The following PIK3C3 variants were observed in gnomAD, a reference collection of about 807,000 sequenced individuals.
PIK3C3 encodes the protein PI3-kinase type 3.
Under a neutral mutation model 126.1 loss-of-function variants are expected in PIK3C3, and 95 were observed. The observed-to-expected ratio is 0.75, with a 90% CI of 0.64 to 0.89. The LOEUF is 0.89. Ranked by LOEUF, PIK3C3 falls within the 40% of genes least tolerant of loss-of-function variation. The probability of loss-of-function intolerance (pLI) is 0.00; values close to 1 mark genes in which losing one functional copy is unlikely to be tolerated. For missense variants in PIK3C3, 829 were observed against 1,063.2 expected (o/e 0.78, Z 3.06); for synonymous variants, 374 against 360.0 (o/e 1.04, Z -0.44).
At chr18:41,972,736 G>A (rs1980730725) in intron 4 of PIK3C3, among the ~76,000 whole-genome samples, 1 of 152,064 alleles carries the variant, frequency 6.6e-6, no homozygotes, top group Non-Finnish European at 1.5e-5. Flanking sequence ...TTGTAGCTTT[G>A]TTAAGGAATT....
intron 21 of PIK3C3, chr18:42,050,265 A>G (rs926194075): frequency 6.6e-6 from 1 of 152,178 alleles, no homozygotes; most frequent in African/African-American, 2.4e-5. Context: ...ATTCACTTTA[A>G]TATCTACCTT....
At position 42,058,019 on chromosome 18, in the gene PIK3C3, A is replaced by G. The variant is rs1349318453; in HGVS notation, c.2400A>G (p.Lys800=). The part of the protein sequence containing the change: ...TQSEQYQEFR[K]QCYTAFLHLR... ...GTGAGCAGTACCAAGAGTTCCGTAA[A>G]CAGTGTTACACGGCTTTCCTCCACC... The change falls in exon 22 of 25, where the codon AAA becomes AAG. Residue 800 remains lysine, a synonymous_variant. Transcript: ENST00000262039. The G allele has an allele frequency of 6.2e-7, 1 of 1,603,642 alleles. No homozygotes were observed.
chr18:42,002,068 A>G (rs1982316743), intron 9 of PIK3C3, among the ~76,000 whole-genome samples: 1 of 152,236 alleles, frequency 6.6e-6, no homozygotes, highest in Admixed American at 6.5e-5. Flanking sequence ...AATGCCCACA[A>G]AAACATTTGG....
chr18:41,989,755 A>C (rs1366845527), intron 5 of PIK3C3, among the ~76,000 whole-genome samples: 1 of 152,156 alleles, frequency 6.6e-6, no homozygotes, highest in Admixed American at 6.6e-5. Flanking sequence ...TACACGACTA[A>C]ATTGCTTAAT....
chr18:41,989,683 T>C (rs1168497071), intron 5 of PIK3C3, among the ~76,000 whole-genome samples: 1 of 152,190 alleles, frequency 6.6e-6, no homozygotes, highest in African/African-American at 2.4e-5. Flanking sequence ...TGCTACACCA[T>C]ATAACCTCGG....
rs1357844936 is a variant in PIK3C3, at chr18:42,083,203, C to T, written c.*2066C>T. 6.6e-6 allele frequency: 1 copy of T among 152,022 alleles called. No individual in the cohort carries two copies. The highest frequency in any genetic ancestry group is 1.5e-5 in the Non-Finnish European group (1 of 67,974). The allele number at this position is 152,022 out of a possible 1,614,324, so 9.4% of individuals were successfully genotyped here. ...AAGCAATTCTTTACTCCTATTTTTT[C>T]CAAATTCCATTGTTTTTACTCTTTA... is the stretch of plus-strand genomic sequence containing the variant. On this transcript the variant is annotated 3_prime_UTR_variant, in exon 25 of 25. Transcript: ENST00000262039.
intron 16 of PIK3C3, among the ~76,000 whole-genome samples, chr18:42,034,541 T>G (rs563863312): frequency 7.2e-4 from 110 of 152,342 alleles, no homozygotes; most frequent in African/African-American, 2.6e-3. Context: ...TGTTGAACCT[T>G]AAGTGTTTTC....
chr18:42,015,506 A>C lies in PIK3C3; in HGVS notation c.1356A>C (p.Ser452=), dbSNP rs961854486. 8.1e-6 allele frequency: 13 copies of C among 1,613,650 alleles called. No individual in the cohort carries two copies. The highest frequency in any genetic ancestry group is 1.1e-5 in the Non-Finnish European group (13 of 1,179,790). Residue 452 remains serine, a synonymous_variant, in exon 12 of 25, where the codon TCA becomes TCC. Coordinates refer to ENST00000262039, the MANE Select transcript of PIK3C3 (RefSeq NM_002647.4). ...SSQIITSPLP[S]VSSPPPASKT... The stretch of plus-strand genomic sequence containing the variant: ...AAATTATAACCAGCCCCCTTCCTTC[A>C]GTCTCTTCACCTCCTCCTGCATCAA...
chr18:42,019,017 C>T (rs1983201947), intron 12 of PIK3C3, among the ~76,000 whole-genome samples: 1 of 152,092 alleles, frequency 6.6e-6, no homozygotes, highest in African/African-American at 2.4e-5. Flanking sequence ...CCACTCTGTT[C>T]TTCATGCCCC....
chr18:42,043,951 G>C (rs1273647136), intron 20 of PIK3C3, 134 bp downstream of exon 20: 3 of 564,736 alleles, frequency 5.3e-6, no homozygotes, highest in Non-Finnish European at 6.3e-6. Context: ...GATAAATGTT[G>C]ATTAAAGTAG....
chr18:42,079,989 AAGAG>A (rs144788006), intron 24 of PIK3C3, among the ~76,000 whole-genome samples: 33 of 110,154 alleles, frequency 3.0e-4, no homozygotes, highest in Admixed American at 6.6e-4. Context: ...GTGTGTATGT[AAGAG>A]AGAGAGTGTG....
rs1288651234 is a variant in PIK3C3 at position 41,981,351 on chromosome 18, G to T, written c.532-6461G>T. Among the ~76,000 whole-genome samples, 6 of 152,104 alleles carry T rather than the reference G, an allele frequency of 3.9e-5. 1 individual carries two copies. Among genetic ancestry groups the T allele is most frequent in the Admixed American group, 3.3e-4 (5 of 15,252 alleles). On this transcript the variant is annotated intron_variant, in intron 4 of 24. Coordinates refer to ENST00000262039, the MANE Select transcript of PIK3C3 (RefSeq NM_002647.4). ...TTCTGTCTTTACAGTTATAGTTTCT[G>T]CCAGAAAAATAGTAAGACACTTTTA... is the stretch of plus-strand genomic sequence containing the variant.
intron 4 of PIK3C3, among the ~76,000 whole-genome samples, chr18:41,976,077 C>A (rs951248885): frequency 6.6e-6 from 1 of 152,088 alleles, no homozygotes; most frequent in Non-Finnish European, 1.5e-5. Flanking sequence ...TTTGAATAAA[C>A]GTTGACAAAT....
intron 10 of PIK3C3, among the ~76,000 whole-genome samples, chr18:42,011,762 C>A (rs895126371): frequency 1.3e-5 from 2 of 152,154 alleles, no homozygotes; most frequent in African/African-American, 2.4e-5. Flanking sequence ...TTAATCATTT[C>A]TAGCTTTTGA....
intron 22 of PIK3C3, among the ~76,000 whole-genome samples, chr18:42,059,434 A>G (rs1985218186): frequency 1.3e-5 from 2 of 152,236 alleles, no homozygotes; most frequent in Admixed American, 6.5e-5. Context: ...CAAAGCCCAT[A>G]GAAAACTAGG....
At chr18:42,076,966 A>G (rs539948098) in intron 24 of PIK3C3, among the ~76,000 whole-genome samples, 1 of 152,076 alleles carries the variant, frequency 6.6e-6, no homozygotes, top group South Asian at 2.1e-4. Context: ...TTTTATTTTT[A>G]TTTTTTTCCT....
chr18:42,086,480 T>G lies in PIK3C3; in HGVS notation c.*5343T>G, dbSNP rs978049207. On this transcript the variant is annotated 3_prime_UTR_variant, in exon 25 of 25. Coordinates refer to ENST00000262039, the MANE Select transcript of PIK3C3 (RefSeq NM_002647.4). ...AAGTTAGGCATTCTTAGTCACAGGATGAGATAGGAGATTGGCTCAAGATAA... is the reference window on the plus strand; with the variant it reads ...AAGTTAGGCATTCTTAGTCACAGGAGGAGATAGGAGATTGGCTCAAGATAA... The G allele has an allele frequency of 6.6e-6, 1 of 152,160 alleles. No individual in the cohort carries two copies. Among genetic ancestry groups the G allele is most frequent in the Admixed American group, 6.5e-5 (1 of 15,270 alleles). The allele number at this position is 152,160 out of a possible 1,614,324, so 9.4% of individuals were successfully genotyped here.
chr18:41,959,495 G>A (rs9950019), intron 2 of PIK3C3, among the ~76,000 whole-genome samples: 527 of 152,230 alleles, frequency 3.5e-3, no homozygotes, highest in African/African-American at 0.012. Context: ...AAGCTATGTA[G>A]ACAATAGATT....
intron 5 of PIK3C3, among the ~76,000 whole-genome samples, chr18:41,989,807 T>A (rs962165500): frequency 2.0e-5 from 3 of 152,238 alleles, no homozygotes; most frequent in Non-Finnish European, 4.4e-5. Context: ...AAGTGACATG[T>A]GACCATGTTT....
Sources: allele counts gnomAD v4.1 joint callset (sites outside exome capture counted in the v4.1 genomes callset), GRCh38; gene constraint gnomAD v4.1.1; transcripts MANE v1.5; gene names NCBI Gene and HGNC (gene_info 2026-07-23, HGNC 2026-07-21).